SH2D4A: variants seen among roughly 807,000 people sequenced by gnomAD.
The protein encoded by SH2D4A is SH2 domain containing 4A.
Under a neutral mutation model 64.7 loss-of-function variants are expected in SH2D4A, and 70 were observed. The ratio of observed to expected loss-of-function variants is 1.08; its 90% CI spans 0.89 to 1.32. The LOEUF (loss-of-function observed/expected upper bound fraction) is 1.32. Ranked by LOEUF, SH2D4A falls within the 40% of genes most tolerant of loss-of-function variation. The probability of loss-of-function intolerance (pLI) is 0.00; values close to 1 mark genes in which losing one functional copy is unlikely to be tolerated. For missense variants in SH2D4A, 706 were observed against 540.1 expected (o/e 1.31, Z -3.04); for synonymous variants, 268 against 200.7 (o/e 1.34, Z -2.83).
intron 1 of SH2D4A, among the ~76,000 whole-genome samples, chr8:19,318,692 T>C (rs536124814): frequency 6.6e-6 from 1 of 152,244 alleles, no homozygotes; most frequent in African/African-American, 2.4e-5. Flanking sequence ...AGAATGTAGA[T>C]GGATGTTCTC....
chr8:19,386,483 A>T (rs1429946238), intron 8 of SH2D4A, among the ~76,000 whole-genome samples: 1 of 152,168 alleles, frequency 6.6e-6, no homozygotes, highest in African/African-American at 2.4e-5. Context: ...CAGATGATGC[A>T]CTTGAGTCCT....
chr8:19,367,462 T>C (rs751456023), intron 7 of SH2D4A, among the ~76,000 whole-genome samples: 1 of 152,210 alleles, frequency 6.6e-6, no homozygotes, highest in Non-Finnish European at 1.5e-5. Flanking sequence ...AAGGTGATAT[T>C]GTGGTTTTGA....
chr8:19,365,612 TA>T (rs2052980667), intron 7 of SH2D4A, among the ~76,000 whole-genome samples: 1 of 152,210 alleles, frequency 6.6e-6, no homozygotes, highest in Non-Finnish European at 1.5e-5. Context: ...AAGGACAGTA[TA>T]TTTGATTGAC....
At chr8:19,315,839 C>T (rs1585137911) in intron 1 of SH2D4A, among the ~76,000 whole-genome samples, 1 of 152,192 alleles carries the variant, frequency 6.6e-6, no homozygotes, top group Non-Finnish European at 1.5e-5. Flanking sequence ...ATTTCTATTT[C>T]TTCTACCCTG....
chr8:19,360,310 T>TTG (rs2052861131), intron 5 of SH2D4A, among the ~76,000 whole-genome samples: 1 of 148,816 alleles, frequency 6.7e-6, no homozygotes, highest in African/African-American at 2.6e-5. Context: ...TTTTTTTTTT[T>TTG]GAAACAAAAA....
chr8:19,329,149 G>A (rs79088667), intron 2 of SH2D4A, among the ~76,000 whole-genome samples: 114 of 152,158 alleles, frequency 7.5e-4, no homozygotes, highest in African/African-American at 2.6e-3. Flanking sequence ...TGCATCCAGC[G>A]TCAAACACAC....
intron 7 of SH2D4A, among the ~76,000 whole-genome samples, chr8:19,364,562 C>T (rs1262015454): frequency 1.3e-5 from 2 of 152,070 alleles, no homozygotes; most frequent in African/African-American, 2.4e-5. Flanking sequence ...TGTCCCTACC[C>T]CACTCTCCCC....
intron 4 of SH2D4A, among the ~76,000 whole-genome samples, chr8:19,351,378 T>A (rs374645163): frequency 6.6e-6 from 1 of 151,746 alleles, no homozygotes; most frequent in Non-Finnish European, 1.5e-5. Flanking sequence ...CCGAGGCGGG[T>A]GGATCACAAG....
At chr8:19,332,306 A>T (rs2052374426) in intron 2 of SH2D4A, among the ~76,000 whole-genome samples, 1 of 152,034 alleles carries the variant, frequency 6.6e-6, no homozygotes, top group South Asian at 2.1e-4. Flanking sequence ...CAAACAATGA[A>T]TGCTTGCTTC....
Position 19,319,377 on chromosome 8 carries a change from G to C in SH2D4A, c.-171G>C. 1.6e-6 allele frequency: 2 copies of C among 1,269,040 alleles called. No individual in the cohort carries two copies. The allele number at this position is 1,269,040 out of a possible 1,614,324, so 78.6% of individuals were successfully genotyped here. A position where few individuals can be genotyped will look rare whatever the true frequency, so the allele number is the denominator to read the frequency against. On this transcript the variant is annotated 5_prime_UTR_variant, in exon 2 of 10. Coordinates refer to ENST00000265807, the MANE Select transcript of SH2D4A (RefSeq NM_022071.4). ...AACAGCATTTTGGACAGGACATTTG[G>C]TGCCAGGTCTGAGTAGCCAGTTTGC... is the stretch of plus-strand genomic sequence containing the variant.
intron 2 of SH2D4A, among the ~76,000 whole-genome samples, chr8:19,329,500 G>T (rs757769902): frequency 9.2e-5 from 14 of 152,132 alleles, no homozygotes; most frequent in African/African-American, 2.2e-4. Context: ...TGAGGACAGG[G>T]ACTACTAGAA....
intron 4 of SH2D4A, among the ~76,000 whole-genome samples, chr8:19,345,118 A>G (rs893387645): frequency 2.0e-5 from 3 of 152,208 alleles, no homozygotes; most frequent in Non-Finnish European, 4.4e-5. Flanking sequence ...TAAATTGTTT[A>G]GTGATCATAG....
Position 19,395,829 on chromosome 8 carries a change from A to T in SH2D4A, c.*1187A>T, listed in dbSNP as rs1328232978. On this transcript the variant is annotated 3_prime_UTR_variant, in exon 10 of 10. Transcript: ENST00000265807. ...AAGCTGCTTAGTTCATGCTGAGTTC[A>T]TGCTGACTTGTTACTATAGCCCCAG... 1 of 152,246 alleles carries T rather than the reference A, an allele frequency of 6.6e-6. No individual in the cohort carries two copies. The allele number at this position is 152,246 out of a possible 1,614,324, so 9.4% of individuals were successfully genotyped here.
chr8:19,328,985 C>T (rs763042352), intron 2 of SH2D4A, among the ~76,000 whole-genome samples: 2 of 152,210 alleles, frequency 1.3e-5, no homozygotes, highest in East Asian at 3.9e-4. Context: ...CCCTGTGCCA[C>T]ATGGCTCTCT....
intron 8 of SH2D4A, among the ~76,000 whole-genome samples, chr8:19,378,033 C>A (rs2153650715): frequency 6.6e-6 from 1 of 152,256 alleles, no homozygotes; most frequent in South Asian, 2.1e-4. Flanking sequence ...TTAATTTGTA[C>A]TAATTTATAG....
chr8:19,323,811 G>C (rs2052230073), intron 2 of SH2D4A, among the ~76,000 whole-genome samples: 1 of 152,224 alleles, frequency 6.6e-6, no homozygotes, highest in African/African-American at 2.4e-5. Flanking sequence ...CCTGAGCATT[G>C]AGATTAAGTA....
chr8:19,333,662 G>T (rs1314095165), intron 3 of SH2D4A, among the ~76,000 whole-genome samples: 1 of 152,188 alleles, frequency 6.6e-6, no homozygotes, highest in Non-Finnish European at 1.5e-5. Context: ...AGTCTAGGAG[G>T]AGAAGTAGAC....
chr8:19,314,846 G>T (rs1489789099), intron 1 of SH2D4A, among the ~76,000 whole-genome samples: 1 of 152,172 alleles, frequency 6.6e-6, no homozygotes, highest in Non-Finnish European at 1.5e-5. Context: ...TTTACAAACT[G>T]CTGTCATCTC....
At chr8:19,332,917 G>A (rs1383351896) in intron 2 of SH2D4A, 38 bp from the exon 3 acceptor site, 8 of 1,597,446 alleles carry the variant, frequency 5.0e-6, no homozygotes, top group Non-Finnish European at 6.0e-6. Flanking sequence ...AAAGATATTT[G>A]TTCAATCTGA....
Sources: allele counts gnomAD v4.1 joint callset (sites outside exome capture counted in the v4.1 genomes callset), GRCh38; gene constraint gnomAD v4.1.1; transcripts MANE v1.5; gene names NCBI Gene and HGNC (gene_info 2026-07-23, HGNC 2026-07-21).